Variants in BACE2 observed in about 807,000 individuals in gnomAD.
BACE2 encodes the protein beta-secretase 2.
BACE2 carries 17 observed loss-of-function variants against 46.2 expected under a neutral mutation model. That is an observed-to-expected ratio of 0.37 (90% CI 0.25 to 0.55). The LOEUF (loss-of-function observed/expected upper bound fraction) is 0.55. BACE2 is among the 20% of genes least tolerant of loss of function. BACE2 has a pLI of 0.82. For missense variants in BACE2, 595 were observed against 698.1 expected (o/e 0.85, Z 1.66); for synonymous variants, 277 against 295.9 (o/e 0.94, Z 0.66).
chr21:41,168,321 G>A lies in BACE2; in HGVS notation c.58G>A (p.Ala20Thr). 1 of 1,336,972 alleles carries A rather than the reference G, an allele frequency of 7.5e-7. No individual in the cohort carries two copies. Among genetic ancestry groups the A allele is most frequent in the Non-Finnish European group, 9.6e-7 (1 of 1,043,452 alleles). 82.8% of individuals were successfully genotyped at this position (1,336,972 alleles called of 1,614,324 possible). ...TCTGCTGGCCCAGTGGCTCCTGCGC[G>A]CCGCCCCGGAGCTGGCCCCCGCGCC... ...LPLLAQWLLR[A>T]APELAPAPFT... Residue 20 changes from alanine (A) to threonine (T), a missense_variant, in exon 1 of 9, where the codon GCC becomes ACC. By Grantham distance (58) the Ala-to-Thr change is moderately conservative. Around this residue, in one of 3 missense-constraint regions of BACE2, gnomAD observed 248 missense variants for 261.4 expected, o/e 0.95. Coordinates refer to ENST00000330333, the MANE Select transcript of BACE2 (RefSeq NM_012105.5).
At chr21:41,273,386 G>A (rs980916263) in intron 8 of BACE2, among the ~76,000 whole-genome samples, 5 of 152,150 alleles carry the variant, frequency 3.3e-5, no homozygotes, top group African/African-American at 7.2e-5. Context: ...ATCGGCAACC[G>A]TAAAAGACAG....
chr21:41,197,024 C>T (rs764616404), intron 1 of BACE2, among the ~76,000 whole-genome samples: 13 of 152,150 alleles, frequency 8.5e-5, no homozygotes, highest in Non-Finnish European at 1.9e-4. Context: ...TGCCATGGCA[C>T]AGTTACTGCT....
intron 1 of BACE2, among the ~76,000 whole-genome samples, chr21:41,205,108 A>C (rs1483076330): frequency 2.0e-5 from 3 of 152,224 alleles, no homozygotes; most frequent in Non-Finnish European, 4.4e-5. Context: ...GATCCCATGC[A>C]AAAAGATTAC....
chr21:41,226,271 G>C lies in BACE2; in HGVS notation c.318G>C (p.Gln106His). ...TTCTCCTTAAAACATAAAAGCTACA[G>C]ATTCTCGTTGACACTGGAAGCAGTA... Reference protein sequence around the residue: ...MLIGTPPQKLQILVDTGSSNF... With the variant: ...MLIGTPPQKLHILVDTGSSNF... Residue 106 changes from glutamine to histidine, a missense_variant, in exon 2 of 9, where the codon CAG (glutamine) becomes CAC (histidine). Gln to His is a conservative substitution (Grantham distance 24, BLOSUM62 0). Coordinates refer to ENST00000330333, the MANE Select transcript of BACE2 (RefSeq NM_012105.5). 6.2e-7 allele frequency: 1 copy of C among 1,612,116 alleles called. No individual in the cohort carries two copies. Among genetic ancestry groups the C allele is most frequent in the African/African-American group, 1.3e-5 (1 of 74,744 alleles).
At chr21:41,182,997 G>T (rs955061851) in intron 1 of BACE2, 41 of 166,038 alleles carry the variant, frequency 2.5e-4, no homozygotes, top group African/African-American at 9.7e-4. Flanking sequence ...TCTCAATAAA[G>T]AATACATTTC....
chr21:41,246,652 A>T (rs1340135641), intron 6 of BACE2, among the ~76,000 whole-genome samples: 1 of 152,238 alleles, frequency 6.6e-6, no homozygotes, highest in Non-Finnish European at 1.5e-5. Flanking sequence ...TCTGAAATAC[A>T]ATTAAAATTA....
At chr21:41,255,847 C>T (rs1987772798) in intron 7 of BACE2, among the ~76,000 whole-genome samples, 1 of 152,174 alleles carries the variant, frequency 6.6e-6, no homozygotes, top group Non-Finnish European at 1.5e-5. Context: ...TATAACATGG[C>T]CTGCTTTCCA....
intron 2 of BACE2, among the ~76,000 whole-genome samples, chr21:41,229,802 T>C (rs1188592821): frequency 6.6e-6 from 1 of 152,208 alleles, no homozygotes; most frequent in Non-Finnish European, 1.5e-5. Context: ...TGGGCTTCTC[T>C]AGTCCATATG....
At chr21:41,221,781 T>C (rs1986660094) in intron 1 of BACE2, among the ~76,000 whole-genome samples, 2 of 139,014 alleles carry the variant, frequency 1.4e-5, no homozygotes, top group African/African-American at 2.7e-5. Flanking sequence ...TGAGCTGAGA[T>C]AGAGCCACTG....
At chr21:41,245,176 G>T (rs1280959553) in intron 5 of BACE2, among the ~76,000 whole-genome samples, 1 of 152,108 alleles carries the variant, frequency 6.6e-6, no homozygotes, top group East Asian at 1.9e-4. Context: ...CTAATACATT[G>T]GTATATTTCA....
At chr21:41,272,547 C>A (rs1256751525) in intron 8 of BACE2, among the ~76,000 whole-genome samples, 1 of 151,502 alleles carries the variant, frequency 6.6e-6, no homozygotes, top group East Asian at 1.9e-4. Flanking sequence ...ATTCATTAGT[C>A]TGTTTTTCTG....
At chr21:41,255,952 CTGCAGAGT>C (rs754613773) in intron 7 of BACE2, among the ~76,000 whole-genome samples, 147 of 152,290 alleles carry the variant, frequency 9.7e-4, no homozygotes, top group Non-Finnish European at 1.5e-3. Context: ...TGAAATTGCC[CTGCAGAGT>C]TGTCTCTTGT....
intron 2 of BACE2, chr21:41,230,044 C>T (rs1378047649): frequency 6.6e-6 from 1 of 152,244 alleles, no homozygotes; most frequent in African/African-American, 2.4e-5. Context: ...CATTCAAATT[C>T]AGTGTACCTT....
At position 41,170,468 on chromosome 21, in the gene BACE2, C is replaced by A. The variant is rs781041177; in HGVS notation, c.312+1893C>A. Among the ~76,000 whole-genome samples, 4 of 152,184 alleles carry A rather than the reference C, an allele frequency of 2.6e-5. No homozygotes were observed. In the East Asian group the frequency reaches 7.7e-4, roughly 29 times the overall value. The stretch of plus-strand genomic sequence containing the variant: ...ATGGGGAATGAAATATCCTGTACCT[C>A]CCTCCTGGCTTGATTTAGCGATAAG... On this transcript the variant is annotated intron_variant, in intron 1 of 8. Coordinates refer to ENST00000330333, the MANE Select transcript of BACE2 (RefSeq NM_012105.5).
At chr21:41,200,745 C>T (rs1051438708) in intron 1 of BACE2, among the ~76,000 whole-genome samples, 6 of 152,220 alleles carry the variant, frequency 3.9e-5, no homozygotes, top group East Asian at 1.9e-4. Flanking sequence ...CAGGGATGTG[C>T]GCAGAGGGAC....
chr21:41,172,693 C>T lies in BACE2; in HGVS notation c.312+4118C>T, dbSNP rs1057287102. Reference sequence around the variant, plus strand: ...GACAGGAAGCATCCTGATGTGATTACAGGTCCTGAGCACTGTAGTGTCACA... The same window carrying T: ...GACAGGAAGCATCCTGATGTGATTATAGGTCCTGAGCACTGTAGTGTCACA... On this transcript the variant is annotated intron_variant, in intron 1 of 8. Coordinates refer to ENST00000330333, the MANE Select transcript of BACE2 (RefSeq NM_012105.5). Among the ~76,000 whole-genome samples the T allele has an allele frequency of 8.5e-5, 13 of 152,234 alleles. 1 individual carries two copies. Among genetic ancestry groups the T allele is most frequent in the Admixed American group, 8.5e-4 (13 of 15,288 alleles).
At chr21:41,231,672 G>A (rs1204123586) in intron 2 of BACE2, among the ~76,000 whole-genome samples, 1 of 152,080 alleles carries the variant, frequency 6.6e-6, no homozygotes, top group Non-Finnish European at 1.5e-5. Context: ...TCTGAATTTG[G>A]TTCAAAGTGT....
At chr21:41,173,782 A>G (rs1250000690) in intron 1 of BACE2, among the ~76,000 whole-genome samples, 3 of 152,182 alleles carry the variant, frequency 2.0e-5, no homozygotes, top group Non-Finnish European at 4.4e-5. Context: ...GTCATGTTGC[A>G]CTAATTCTAG....
intron 3 of BACE2, among the ~76,000 whole-genome samples, chr21:41,239,210 G>A (rs1987221528): frequency 6.6e-6 from 1 of 152,048 alleles, no homozygotes; most frequent in Admixed American, 6.5e-5. Flanking sequence ...AGGGCAAGAG[G>A]AAGTTTACAG....
Sources: gnomAD v4.1 joint callset for allele counts (sites outside exome capture counted in the v4.1 genomes callset) on GRCh38, gnomAD v4.1.1 for gene constraint, gnomAD v4.1.1 regional missense constraint, MANE v1.5 for transcripts, NCBI Gene and HGNC (gene_info 2026-07-23, HGNC 2026-07-21) for gene names.